The following PRKD1 variants were observed in gnomAD, a reference collection of about 807,000 sequenced individuals.
The protein encoded by PRKD1 is serine/threonine-protein kinase D1.
A neutral mutation model predicts 95.9 loss-of-function variants in PRKD1; 63 were observed. The ratio of observed to expected loss-of-function variants is 0.66; its 90% CI spans 0.54 to 0.81. The LOEUF is 0.81. Among genes scored for constraint, PRKD1 ranks in the 30% least tolerant of loss-of-function variants. The pLI, the probability that PRKD1 is intolerant of heterozygous loss-of-function variation, is 0.00. For missense variants in PRKD1, 1,048 were observed against 1,165.3 expected, an observed-to-expected ratio of 0.90 and a Z score of 1.47; for synonymous variants, 425 against 423.1, an observed-to-expected ratio of 1.00 and a Z score of -0.05.
chr14:29,638,613 A>T, intron 5 of PRKD1, 47 bp from the exon 6 acceptor site: 1 of 1,613,030 alleles, frequency 6.2e-7, no homozygotes, highest in South Asian at 1.1e-5. Context: ...ATTTGTCATA[A>T]AGAAAAGTGG....
At chr14:29,813,293 G>T (rs1890565385) in intron 1 of PRKD1, among the ~76,000 whole-genome samples, 1 of 152,120 alleles carries the variant, frequency 6.6e-6, no homozygotes, top group African/African-American at 2.4e-5. Flanking sequence ...TTAAATTCTT[G>T]AATATGAAAA....
intron 2 of PRKD1, among the ~76,000 whole-genome samples, chr14:29,681,066 G>GA (rs1306882466): frequency 6.6e-6 from 1 of 151,870 alleles, no homozygotes; most frequent in African/African-American, 2.4e-5. Flanking sequence ...CTGCAAATGA[G>GA]AAACAAAAAA....
At chr14:29,877,391 A>G (rs1893339634) in intron 1 of PRKD1, among the ~76,000 whole-genome samples, 1 of 152,126 alleles carries the variant, frequency 6.6e-6, no homozygotes, top group Admixed American at 6.5e-5. Flanking sequence ...TGGATATTAC[A>G]CCTTTGTCAG....
chr14:29,647,095 T>A (rs551785853), intron 4 of PRKD1, among the ~76,000 whole-genome samples: 27 of 152,164 alleles, frequency 1.8e-4, no homozygotes, highest in African/African-American at 6.0e-4. Context: ...AAAAAAAATA[T>A]GTGCCCACTG....
chr14:29,788,023 C>T (rs1414628106), intron 1 of PRKD1, among the ~76,000 whole-genome samples: 1 of 152,030 alleles, frequency 6.6e-6, no homozygotes, highest in Non-Finnish European at 1.5e-5. Context: ...GAGTTGTATA[C>T]TTTCATATGT....
chr14:29,632,794 C>T, intron 9 of PRKD1, 75 bp downstream of exon 9: 1 of 1,346,046 alleles, frequency 7.4e-7, no homozygotes, highest in Non-Finnish European at 1.0e-6. Context: ...GATGTATTTC[C>T]TATTTCTTAT....
intron 1 of PRKD1, among the ~76,000 whole-genome samples, chr14:29,823,284 T>A (rs977175984): frequency 3.9e-5 from 6 of 152,158 alleles, no homozygotes; most frequent in Admixed American, 1.3e-4. Context: ...TACTTGCCAG[T>A]CTGTAAACAA....
chr14:29,756,421 G>A (rs1887699829), intron 1 of PRKD1, among the ~76,000 whole-genome samples: 1 of 152,170 alleles, frequency 6.6e-6, no homozygotes, highest in Non-Finnish European at 1.5e-5. Context: ...GTGTGCATGT[G>A]TGTGTGTCTA....
chr14:29,741,729 C>G (rs1886987273), intron 1 of PRKD1, among the ~76,000 whole-genome samples: 1 of 151,980 alleles, frequency 6.6e-6, no homozygotes, highest in African/African-American at 2.4e-5. Flanking sequence ...GTCCTAAAAA[C>G]TAAAAAGGCT....
At chr14:29,690,545 ATC>A (rs1417498914) in intron 2 of PRKD1, among the ~76,000 whole-genome samples, 1 of 152,104 alleles carries the variant, frequency 6.6e-6, no homozygotes, top group Non-Finnish European at 1.5e-5. Context: ...AGCCACCATC[ATC>A]TCTTACCTAA....
chr14:29,679,309 G>A (rs1337231658), intron 2 of PRKD1, among the ~76,000 whole-genome samples: 3 of 152,126 alleles, frequency 2.0e-5, no homozygotes, highest in Admixed American at 6.5e-5. Flanking sequence ...TTTTGCCTGT[G>A]GGTTTTTACA....
At chr14:29,855,146 A>C (rs927110179) in intron 1 of PRKD1, among the ~76,000 whole-genome samples, 1 of 152,176 alleles carries the variant, frequency 6.6e-6, no homozygotes, top group African/African-American at 2.4e-5. Context: ...TGTGAGAAGA[A>C]GGCCACCATC....
chr14:29,864,383 T>C (rs1249256154), intron 1 of PRKD1, among the ~76,000 whole-genome samples: 1 of 152,190 alleles, frequency 6.6e-6, no homozygotes, highest in Non-Finnish European at 1.5e-5. Flanking sequence ...TCTTTTTAAA[T>C]GCAGACTCCA....
chr14:29,639,804 A>G (rs748600209), intron 4 of PRKD1, among the ~76,000 whole-genome samples: 3 of 152,164 alleles, frequency 2.0e-5, no homozygotes, highest in Non-Finnish European at 4.4e-5. Flanking sequence ...GAGGAATATA[A>G]AAGTGGATGT....
intron 1 of PRKD1, among the ~76,000 whole-genome samples, chr14:29,925,253 A>G (rs1895256749): frequency 6.6e-6 from 1 of 152,108 alleles, no homozygotes; most frequent in Admixed American, 6.6e-5. Flanking sequence ...GTCTTGACTC[A>G]TGTTCCAACT....
At chr14:29,648,550 G>A (rs931340124) in intron 4 of PRKD1, among the ~76,000 whole-genome samples, 2 of 152,158 alleles carry the variant, frequency 1.3e-5, no homozygotes, top group Non-Finnish European at 2.9e-5. Context: ...ATTTTTTCCA[G>A]GTTTGAACTG....
At chr14:29,867,191 G>A (rs79877284) in intron 1 of PRKD1, among the ~76,000 whole-genome samples, 5,394 of 152,218 alleles carry the variant, frequency 0.035, 346 homozygotes, top group African/African-American at 0.12. Flanking sequence ...TGTAGTGGGG[G>A]AGACAGAAAA....
At chr14:29,792,686 T>C (rs1026524249) in intron 1 of PRKD1, among the ~76,000 whole-genome samples, 1 of 152,068 alleles carries the variant, frequency 6.6e-6, no homozygotes, top group Non-Finnish European at 1.5e-5. Context: ...TGCCAAGACA[T>C]GGCATTGTTG....
chr14:29,614,725 G>GTC (rs1369903326), intron 13 of PRKD1, among the ~76,000 whole-genome samples: 3 of 151,544 alleles, frequency 2.0e-5, no homozygotes, highest in Non-Finnish European at 4.4e-5. Flanking sequence ...TTGAGACAGA[G>GTC]TCTCACTTTG....
Sources: allele counts gnomAD v4.1 joint callset (sites outside exome capture counted in the v4.1 genomes callset), GRCh38; gene constraint gnomAD v4.1.1; transcripts MANE v1.5; gene names NCBI Gene and HGNC (gene_info 2026-07-23, HGNC 2026-07-21).